The following PACSIN1 variants were observed in gnomAD, a reference collection of about 807,000 sequenced individuals.
PACSIN1 encodes the protein protein kinase C and casein kinase substrate in neurons protein 1.
In PACSIN1, 15 loss-of-function variants were observed where a neutral mutation model predicts 59.5. The ratio of observed to expected loss-of-function variants is 0.25; its 90% CI spans 0.17 to 0.39. The LOEUF is 0.39. Among genes scored for constraint, PACSIN1 ranks in the 10% least tolerant of loss-of-function variants. The pLI, the probability that PACSIN1 is intolerant of heterozygous loss-of-function variation, is 1.00. For missense variants in PACSIN1, 420 were observed against 580.2 expected, an observed-to-expected ratio of 0.72 and a Z score of 2.84; for synonymous variants, 210 against 220.6, an observed-to-expected ratio of 0.95 and a Z score of 0.42.
intron 1 of PACSIN1, among the ~76,000 whole-genome samples, chr6:34,476,958 G>T (rs918684925): frequency 2.0e-5 from 3 of 152,212 alleles, no homozygotes; most frequent in Non-Finnish European, 4.4e-5. Flanking sequence ...TAGCTCGGGG[G>T]TGGGCACTCC....
In PACSIN1 at chr6:34,533,301, G is replaced by T. The variant is rs1212326239; in HGVS notation, c.*771G>T. On this transcript the variant is annotated 3_prime_UTR_variant, in exon 10 of 10. Coordinates refer to ENST00000244458, the MANE Select transcript of PACSIN1 (RefSeq NM_020804.5). ...GCTGTTACGCAGGCCCTTCTTTCCA[G>T]CTATCAGCACTTTCAGCATCGGCTC... 1 of 152,292 alleles carries T rather than the reference G, an allele frequency of 6.6e-6. No homozygotes were observed. Among genetic ancestry groups the T allele is most frequent in the Non-Finnish European group, 1.5e-5 (1 of 68,104 alleles). The allele number at this position is 152,292 out of a possible 1,614,324, so 9.4% of individuals were successfully genotyped here.
intron 1 of PACSIN1, among the ~76,000 whole-genome samples, chr6:34,504,285 TATA>T (rs1767073758): frequency 1.3e-5 from 1 of 78,078 alleles, no homozygotes; most frequent in African/African-American, 6.6e-5. Context: ...TATATATATA[TATA>T]TATTTTTTTT....
In PACSIN1 at chr6:34,525,731, C is replaced by G. The variant is rs146273091; in HGVS notation, c.-63-512C>G. ...TAGATTGGATAACCCTGATGCCTGC[C>G]GACAGATCCAGGGCAGACACAGCCA... On this transcript the variant is annotated intron_variant, in intron 1 of 9. Coordinates refer to ENST00000244458, the MANE Select transcript of PACSIN1 (RefSeq NM_020804.5). The surrounding 1 kb of genome is among the most constrained non-coding windows in gnomAD (Gnocchi z 4.9). 3.2e-4 allele frequency among the ~76,000 whole-genome samples: 48 copies of G among 152,076 alleles called. No homozygotes were observed. In the East Asian group the frequency reaches 6.2e-3, roughly 20 times the overall value.
At chr6:34,497,248 A>G (rs1271667675) in intron 1 of PACSIN1, among the ~76,000 whole-genome samples, 6 of 151,936 alleles carry the variant, frequency 3.9e-5, no homozygotes, top group African/African-American at 1.5e-4. Context: ...GCGCCCAGCC[A>G]ATGGTGTGCA....
intron 1 of PACSIN1, among the ~76,000 whole-genome samples, chr6:34,497,664 CTG>C (rs767946358): frequency 5.3e-5 from 8 of 152,184 alleles, no homozygotes; most frequent in Non-Finnish European, 7.3e-5. Context: ...CCATCCGACT[CTG>C]TGGTCTCTCT....
rs770539016 is a variant in PACSIN1, at chr6:34,515,030, C to T, written c.-63-11213C>T. On this transcript the variant is annotated intron_variant, in intron 1 of 9. Transcript: ENST00000244458. This position sits in a 1 kb window ranked among gnomAD's most constrained non-coding sequence, Gnocchi z 4.4. Reference sequence around the variant, plus strand: ...GGCCTGGCCCAGCGGGGGCAGTAAGCTCCTACTTGCCCCCAGCTTGGTGCC... The same window carrying T: ...GGCCTGGCCCAGCGGGGGCAGTAAGTTCCTACTTGCCCCCAGCTTGGTGCC... 3.3e-5 allele frequency: 5 copies of T among 152,358 alleles called. No homozygotes were observed. The highest frequency in any genetic ancestry group is 7.3e-5 in the Non-Finnish European group (5 of 68,134). The allele number at this position is 152,358 out of a possible 1,614,324, so 9.4% of individuals were successfully genotyped here.
rs1767589016 is a variant in PACSIN1 at position 34,531,299 on chromosome 6, G to A, written c.1038-301G>A. Among the ~76,000 whole-genome samples the A allele has an allele frequency of 6.6e-6, 1 of 152,170 alleles. No individual in the cohort carries two copies. The highest frequency in any genetic ancestry group is 1.5e-5 in the Non-Finnish European group (1 of 68,034). ...TCAGAGCCAGATATGTTGCCCAGGAGGTCTGACTCCAGGATCCTTGCTCTT... is the reference window on the plus strand; with the variant it reads ...TCAGAGCCAGATATGTTGCCCAGGAAGTCTGACTCCAGGATCCTTGCTCTT... On this transcript the variant is annotated intron_variant, in intron 8 of 9. Coordinates refer to ENST00000244458, the MANE Select transcript of PACSIN1 (RefSeq NM_020804.5). The surrounding 1 kb of genome is among the most constrained non-coding windows in gnomAD (Gnocchi z 4.4).
At chr6:34,495,687 A>G (rs1341357925) in intron 1 of PACSIN1, among the ~76,000 whole-genome samples, 3 of 152,186 alleles carry the variant, frequency 2.0e-5, no homozygotes, top group East Asian at 1.9e-4. Flanking sequence ...TCCTGATCTC[A>G]GGTGACCCGC....
At position 34,534,276 on chromosome 6, in the gene PACSIN1, C is replaced by G. The variant is rs1159968538; in HGVS notation, c.*1746C>G. ...TCCTGACACTCTGGCAGGGCCTGAG[C>G]TGGGGCAGGCCTCCCTCAGGGCCAG... On this transcript the variant is annotated 3_prime_UTR_variant, in exon 10 of 10. Coordinates refer to ENST00000244458, the MANE Select transcript of PACSIN1 (RefSeq NM_020804.5). 7 of 152,412 alleles carry G rather than the reference C, an allele frequency of 4.6e-5. No individual in the cohort carries two copies. Among genetic ancestry groups the G allele is most frequent in the Admixed American group, 4.6e-4 (7 of 15,286 alleles). 9.4% of individuals were successfully genotyped at this position (152,412 alleles called of 1,614,324 possible).
Position 34,531,537 on chromosome 6 carries a change from C to T in PACSIN1, c.1038-63C>T. 1.3e-6 allele frequency: 2 copies of T among 1,522,118 alleles called. No homozygotes were observed. Among genetic ancestry groups the T allele is most frequent in the Non-Finnish European group, 9.0e-7 (1 of 1,106,902 alleles). 94.3% of individuals were successfully genotyped at this position (1,522,118 alleles called of 1,614,324 possible). ...GGATCAGGGCTCTGATTAGGAGGAG[C>T]GGTTAGCCCTCGGGATGCGGTACGG... On this transcript the variant is annotated intron_variant, in intron 8 of 9. Transcript: ENST00000244458. The surrounding 1 kb of genome is among the most constrained non-coding windows in gnomAD (Gnocchi z 4.4).
chr6:34,511,220 T>C (rs1767197600), intron 1 of PACSIN1, among the ~76,000 whole-genome samples: 1 of 152,242 alleles, frequency 6.6e-6, no homozygotes, highest in Non-Finnish European at 1.5e-5. Context: ...CACCTCAGTA[T>C]TGACACCAGC....
At position 34,516,722 on chromosome 6, in the gene PACSIN1, C is replaced by T. The variant is rs1232282865; in HGVS notation, c.-63-9521C>T. ...CGGGCCCCTCCCTGTCAGGTTGCTG[C>T]TTCACAGGTTGGCTCGGGGCTGCCA... On this transcript the variant is annotated intron_variant, in intron 1 of 9. Transcript: ENST00000244458. This position sits in a 1 kb window ranked among gnomAD's most constrained non-coding sequence, Gnocchi z 5.4. 6.6e-6 allele frequency among the ~76,000 whole-genome samples: 1 copy of T among 152,204 alleles called. No individual in the cohort carries two copies. Among genetic ancestry groups the T allele is most frequent in the Non-Finnish European group, 1.5e-5 (1 of 68,030 alleles).
rs549834770 is a variant in PACSIN1 at position 34,531,014 on chromosome 6, T to C, written c.1037+427T>C. 4.6e-5 allele frequency among the ~76,000 whole-genome samples: 7 copies of C among 152,248 alleles called. No homozygotes were observed. The highest frequency in any genetic ancestry group is 1.0e-4 in the Non-Finnish European group (7 of 68,024). On this transcript the variant is annotated intron_variant, in intron 8 of 9. Coordinates refer to ENST00000244458, the MANE Select transcript of PACSIN1 (RefSeq NM_020804.5). The surrounding 1 kb of genome is among the most constrained non-coding windows in gnomAD (Gnocchi z 4.4). ...ACTCACCTCCTGCTGTGCTGCCTGG[T>C]TCCTAACAGGCCACGGACTGTCTGC...
At position 34,505,631 on chromosome 6, in the gene PACSIN1, C is replaced by CTTTT. The variant is rs35588714; in HGVS notation, c.-63-20598_-63-20595dup. 1.6e-3 allele frequency among the ~76,000 whole-genome samples: 168 copies of CTTTT among 106,406 alleles called. 4 individuals are homozygous for CTTTT. Among genetic ancestry groups the CTTTT allele is most frequent in the African/African-American group, 6.1e-3 (159 of 26,034 alleles). The allele number at this position is 106,406 out of a possible 152,430, so 69.8% of individuals were successfully genotyped here. On this transcript the variant is annotated intron_variant, in intron 1 of 9. Coordinates refer to ENST00000244458, the MANE Select transcript of PACSIN1 (RefSeq NM_020804.5). ...CTTTTTTTTATCTCTTACCTCCATA[C>CTTTT]TTTTTTTTTTTTTTTTTGAGATGGA...
chr6:34,517,915 A>C (rs79538411), intron 1 of PACSIN1, among the ~76,000 whole-genome samples: 1,668 of 152,228 alleles, frequency 0.011, 45 homozygotes, highest in East Asian at 0.09. Context: ...CACCCTGAGA[A>C]TCAGGGCTGC....
chr6:34,510,426 A>G (rs2395567), intron 1 of PACSIN1, among the ~76,000 whole-genome samples: 56,429 of 151,960 alleles, frequency 0.37, 11,634 homozygotes, highest in Middle Eastern at 0.52. Flanking sequence ...CTTTATCACT[A>G]CCTCGTTTGC....
intron 1 of PACSIN1, among the ~76,000 whole-genome samples, chr6:34,491,521 A>G (rs1015752056): frequency 1.3e-5 from 2 of 151,994 alleles, no homozygotes; most frequent in African/African-American, 2.4e-5. Flanking sequence ...ACTTGTGTGC[A>G]GGAGGGTCGC....
chr6:34,504,219 G>A (rs2127259842), intron 1 of PACSIN1, among the ~76,000 whole-genome samples: 1 of 148,094 alleles, frequency 6.8e-6, no homozygotes, highest in East Asian at 2.0e-4. Flanking sequence ...TCCTCTGCAT[G>A]TTTTGAGAAG....
At chr6:34,528,010 T>C (rs1767520635) in intron 3 of PACSIN1, among the ~76,000 whole-genome samples, 1 of 152,260 alleles carries the variant, frequency 6.6e-6, no homozygotes, top group Non-Finnish European at 1.5e-5. Context: ...CAGGATCTAG[T>C]GCAGTCGCAC....
Sources: gnomAD v4.1 joint callset for allele counts (sites outside exome capture counted in the v4.1 genomes callset) on GRCh38, gnomAD v4.1.1 for gene constraint, Gnocchi (gnomAD v3.1) non-coding constraint, MANE v1.5 for transcripts, NCBI Gene and HGNC (gene_info 2026-07-23, HGNC 2026-07-21) for gene names.